The following WDR70 variants were observed in gnomAD, a reference collection of about 807,000 sequenced individuals.
WDR70 encodes the protein WD repeat-containing protein 70.
WDR70 carries 53 observed loss-of-function variants against 88.6 expected under a neutral mutation model. The ratio of observed to expected loss-of-function variants is 0.60; its 90% confidence interval spans 0.48 to 0.75. The LOEUF (loss-of-function observed/expected upper bound fraction) is 0.75, where lower values mean the gene tolerates loss of function less well. Among genes scored for constraint, WDR70 ranks in the 30% least tolerant of loss-of-function variants. WDR70 has a pLI of 0.00. For synonymous variants in WDR70, 280 were observed against 270.0 expected, an observed-to-expected ratio of 1.04 and a Z score of -0.36; for missense variants, 610 against 823.2, an observed-to-expected ratio of 0.74 and a Z score of 3.17.
intron 16 of WDR70, 21 bp downstream of exon 16, chr5:37,725,071 G>A: frequency 6.2e-7 from 1 of 1,606,488 alleles, no homozygotes; most frequent in Non-Finnish European, 8.5e-7. Context: ...TCCAGCTAGT[G>A]ACCTGCAGAG....
At chr5:37,385,842 C>T (rs1410561062) in intron 3 of WDR70, among the ~76,000 whole-genome samples, 1 of 152,056 alleles carries the variant, frequency 6.6e-6, no homozygotes, top group Admixed American at 6.6e-5. Context: ...CTTGCTCTGT[C>T]GCCCAGACTG....
chr5:37,390,665 T>C (rs1748787220), intron 3 of WDR70, among the ~76,000 whole-genome samples: 1 of 150,564 alleles, frequency 6.6e-6, no homozygotes, highest in Non-Finnish European at 1.5e-5. Flanking sequence ...ATGATTTTGA[T>C]AGCTAGTCTC....
chr5:37,611,796 T>TAAAAAAAA (rs77585864), intron 10 of WDR70, among the ~76,000 whole-genome samples: 1 of 146,092 alleles, frequency 6.8e-6, no homozygotes, highest in Non-Finnish European at 1.5e-5. Context: ...TTTTTTTTTT[T>TAAAAAAAA]AAAAAAAAAC....
At chr5:37,486,463 C>T (rs1739873803) in intron 8 of WDR70, among the ~76,000 whole-genome samples, 1 of 151,178 alleles carries the variant, frequency 6.6e-6, no homozygotes, top group Non-Finnish European at 1.5e-5. Flanking sequence ...CCTGCCTCAG[C>T]ATCCTGAGTA....
intron 8 of WDR70, among the ~76,000 whole-genome samples, chr5:37,500,536 T>G (rs1336901361): frequency 6.6e-6 from 1 of 152,182 alleles, no homozygotes; most frequent in African/African-American, 2.4e-5. Flanking sequence ...TGTACTAGTT[T>G]ACATTTCCAC....
intron 10 of WDR70, among the ~76,000 whole-genome samples, chr5:37,665,613 A>G (rs1420386703): frequency 6.6e-6 from 1 of 152,142 alleles, no homozygotes; most frequent in African/African-American, 2.4e-5. Context: ...ATCAGTCAAA[A>G]ATTTGTACAT....
chr5:37,433,102 C>G (rs1750362950), intron 5 of WDR70, among the ~76,000 whole-genome samples: 2 of 152,022 alleles, frequency 1.3e-5, no homozygotes, highest in Non-Finnish European at 1.5e-5. Context: ...TCTCAGTCAC[C>G]TGGGCTGGAG....
At chr5:37,660,890 A>G (rs1218044315) in intron 10 of WDR70, among the ~76,000 whole-genome samples, 1 of 152,162 alleles carries the variant, frequency 6.6e-6, no homozygotes, top group Admixed American at 6.5e-5. Flanking sequence ...CAACAATAAA[A>G]GAAGGCCAAC....
intron 9 of WDR70, among the ~76,000 whole-genome samples, chr5:37,564,255 C>A (rs537297734): frequency 6.6e-6 from 1 of 152,148 alleles, no homozygotes; most frequent in Non-Finnish European, 1.5e-5. Context: ...TGAGTGAACG[C>A]GACTCCGTCT....
intron 5 of WDR70, among the ~76,000 whole-genome samples, chr5:37,412,484 T>A (rs1163306113): frequency 6.6e-6 from 1 of 152,152 alleles, no homozygotes; most frequent in African/African-American, 2.4e-5. Flanking sequence ...AGGTTCTAAC[T>A]CATAATTAAA....
chr5:37,596,939 G>A (rs934553753), intron 9 of WDR70, among the ~76,000 whole-genome samples: 2 of 151,900 alleles, frequency 1.3e-5, no homozygotes, highest in Admixed American at 6.6e-5. Context: ...TGTTCAGAAT[G>A]TTAATATAAC....
At chr5:37,473,417 C>T (rs1739388054) in intron 7 of WDR70, among the ~76,000 whole-genome samples, 1 of 150,364 alleles carries the variant, frequency 6.7e-6, no homozygotes, top group Admixed American at 6.6e-5. Context: ...GATCTCGGCT[C>T]ACTGTAACCT....
At chr5:37,719,919 T>C (rs1045579355) in intron 13 of WDR70, among the ~76,000 whole-genome samples, 5 of 151,520 alleles carry the variant, frequency 3.3e-5, no homozygotes, top group Non-Finnish European at 7.4e-5. Flanking sequence ...CATAGCTCAC[T>C]GAAGCCTCAA....
intron 3 of WDR70, among the ~76,000 whole-genome samples, chr5:37,383,839 T>A (rs1748511453): frequency 6.6e-6 from 1 of 152,064 alleles, no homozygotes; most frequent in South Asian, 2.1e-4. Context: ...CGCCTTGGCC[T>A]CCCAAAGTGC....
At chr5:37,423,606 C>CA (rs1750021458) in intron 5 of WDR70, among the ~76,000 whole-genome samples, 1 of 146,390 alleles carries the variant, frequency 6.8e-6, no homozygotes, top group South Asian at 2.1e-4. Flanking sequence ...CACTGTCTCC[C>CA]AGGCTGGTGT....
chr5:37,744,996 G>C (rs1581544160), intron 17 of WDR70, among the ~76,000 whole-genome samples: 1 of 152,028 alleles, frequency 6.6e-6, no homozygotes, highest in Non-Finnish European at 1.5e-5. Flanking sequence ...GATTCTCCAA[G>C]GTCGAACTGT....
In WDR70 at chr5:37,415,501, G is replaced by T. The variant is rs1287003831; in HGVS notation, c.492+18931G>T. Among the ~76,000 whole-genome samples the T allele has an allele frequency of 3.3e-5, 2 of 60,192 alleles. 1 individual carries two copies. The highest frequency in any genetic ancestry group is 6.4e-5 in the Non-Finnish European group (2 of 31,294). 39.5% of individuals were successfully genotyped at this position (60,192 alleles called of 152,430 possible). A position where few individuals can be genotyped will look rare whatever the true frequency, so the allele number is the denominator to read the frequency against. Reference sequence around the variant, plus strand: ...CCTCCCGGAAGGGGCGGCTGGGGGTGGGGGGGGCCTGACCCCCCCACCTCA... The same window carrying T: ...CCTCCCGGAAGGGGCGGCTGGGGGTTGGGGGGGCCTGACCCCCCCACCTCA... On this transcript the variant is annotated intron_variant, in intron 5 of 17. Transcript: ENST00000265107.
intron 10 of WDR70, among the ~76,000 whole-genome samples, chr5:37,656,553 C>T (rs1745562051): frequency 6.6e-6 from 1 of 152,214 alleles, no homozygotes; most frequent in Non-Finnish European, 1.5e-5. Flanking sequence ...ACAGCTGCCT[C>T]TTCCCTCAGG....
intron 7 of WDR70, among the ~76,000 whole-genome samples, chr5:37,463,687 T>C (rs1739079713): frequency 1.3e-5 from 2 of 152,224 alleles, no homozygotes; most frequent in Admixed American, 1.3e-4. Flanking sequence ...TAGATTGGCT[T>C]TCTCTCTCTT....
Sources: allele counts gnomAD v4.1 joint callset (sites outside exome capture counted in the v4.1 genomes callset), GRCh38; gene constraint gnomAD v4.1.1; transcripts MANE v1.5; gene names NCBI Gene and HGNC (gene_info 2026-07-23, HGNC 2026-07-21).